NKX2-6: variants seen among roughly 807,000 people sequenced by gnomAD.
NKX2-6 encodes homeobox protein Nkx-2.6.
A neutral mutation model predicts 8.6 loss-of-function variants in NKX2-6; 8 were observed. The observed-to-expected ratio is 0.93, with a 90% confidence interval of 0.54 to 1.67. The LOEUF (loss-of-function observed/expected upper bound fraction) is 1.67. NKX2-6 is among the 40% of genes most tolerant of loss of function. The pLI is 0.00. For missense variants in NKX2-6, 475 were observed against 423.1 expected (o/e 1.12, Z -1.08); for synonymous variants, 210 against 199.3 (o/e 1.05, Z -0.45).
Position 23,702,738 on chromosome 8 carries a change from G to A in NKX2-6, c.619C>T (p.Arg207Ter). Reference protein sequence around the residue: ...ELAGHPLTPRRVAVPVLVRDG... With the variant: ...ELAGHPLTPR ...CGCACCAGGACGGGCACAGCTACTC[G>A]GCGCGGCGTTAGAGGGTGGCCAGCC... The change falls in exon 2 of 2, where the codon CGA (arginine) becomes TGA (stop). Residue 207 changes from arginine (R) to a stop codon, truncating the protein, a stop_gained. Transcript: ENST00000325017. LOFTEE classifies it low-confidence loss of function (END_TRUNC). 3 of 1,551,868 alleles carry A rather than the reference G, an allele frequency of 1.9e-6. No homozygotes were observed. Among genetic ancestry groups the A allele is most frequent in the South Asian group, 2.4e-5 (2 of 84,084 alleles).
chr8:23,703,061 G>A lies in NKX2-6; in HGVS notation c.296C>T (p.Ser99Leu), dbSNP rs1289392344. Reference sequence around the variant, plus strand: ...CACCCTGGTCCCGCCGCCGAGGGGCGAGGCCGCGTTCAGGCCGGGCTCTAA... The same window carrying A: ...CACCCTGGTCCCGCCGCCGAGGGGCAAGGCCGCGTTCAGGCCGGGCTCTAA... ...GEPQPGLNAA[S>L]PLGGGTRVPE... The change falls in exon 2 of 2, where the codon TCG becomes TTG. Residue 99 changes from serine (S) to leucine (L), a missense_variant. Transcript: ENST00000325017. 5 of 1,540,190 alleles carry A rather than the reference G, an allele frequency of 3.2e-6. No homozygotes were observed. Among genetic ancestry groups the A allele is most frequent in the Admixed American group, 3.9e-5 (2 of 50,920 alleles).
intron 1 of NKX2-6, among the ~76,000 whole-genome samples, 165 bp downstream of exon 1, chr8:23,706,160 A>G (rs377378213): frequency 1.2e-3 from 189 of 152,120 alleles, no homozygotes; most frequent in African/African-American, 4.1e-3. Flanking sequence ...GTGTCAGGAG[A>G]GGATGGGAAT....
chr8:23,706,187 T>G lies in NKX2-6; in HGVS notation c.274+138A>C, dbSNP rs1430053410. The G allele has an allele frequency of 3.2e-6, 3 of 934,598 alleles. No individual in the cohort carries two copies. The African/African-American group carries it at 5.0e-5, about 15-fold the overall frequency. The allele number at this position is 934,598 out of a possible 1,614,324, so 57.9% of individuals were successfully genotyped here. On this transcript the variant is annotated intron_variant, in intron 1 of 1. Transcript: ENST00000325017. ...GATGGGAATGGGATTCGAGAGGCCT[T>G]TTTTTGGACTCCTCGAGAGAAAATG...
intron 1 of NKX2-6, 139 bp from the exon 2 acceptor site, chr8:23,703,221 C>G (rs2117595403): frequency 2.9e-6 from 3 of 1,028,106 alleles, no homozygotes; most frequent in South Asian, 1.7e-5. Flanking sequence ...CCCCCGAACC[C>G]TGTCCCAGGA....
intron 1 of NKX2-6, 123 bp from the exon 2 acceptor site, chr8:23,703,205 C>T: frequency 8.6e-7 from 1 of 1,157,226 alleles, no homozygotes; most frequent in Non-Finnish European, 1.2e-6. Context: ...CTCCTCCCTC[C>T]TACTGCCCCC....
intron 1 of NKX2-6, among the ~76,000 whole-genome samples, chr8:23,703,886 A>T (rs1801049670): frequency 6.6e-6 from 1 of 152,056 alleles, no homozygotes; most frequent in African/African-American, 2.4e-5. Flanking sequence ...GGAGGAGAAG[A>T]AGAAGAAGGA....
chr8:23,706,665 T>C lies in NKX2-6; in HGVS notation c.-67A>G, dbSNP rs1051439435. The C allele has an allele frequency of 2.1e-6, 3 of 1,452,740 alleles. No individual in the cohort carries two copies. The African/African-American group carries it at 4.2e-5, about 20-fold the overall frequency. The allele number at this position is 1,452,740 out of a possible 1,614,324, so 90.0% of individuals were successfully genotyped here. A position where few individuals can be genotyped will look rare whatever the true frequency, so the allele number is the denominator to read the frequency against. On this transcript the variant is annotated 5_prime_UTR_variant, in exon 1 of 2. Transcript: ENST00000325017. ...GAGCGGCACCCTGAACTTCCCGTCTTGTCGCTGCAGGCCCCGCAGACAGAC... is the reference window on the plus strand; with the variant it reads ...GAGCGGCACCCTGAACTTCCCGTCTCGTCGCTGCAGGCCCCGCAGACAGAC...
chr8:23,705,092 G>T (rs1196460769), intron 1 of NKX2-6, among the ~76,000 whole-genome samples: 2 of 152,242 alleles, frequency 1.3e-5, no homozygotes, highest in Non-Finnish European at 2.9e-5. Context: ...AGTGGGAGAA[G>T]GAAGGCGCCG....
chr8:23,706,288 T>C (rs1563305022), intron 1 of NKX2-6, 37 bp downstream of exon 1: 9 of 1,475,246 alleles, frequency 6.1e-6, no homozygotes, highest in East Asian at 2.5e-5. Flanking sequence ...GCCCCCACAT[T>C]CCCCCCGTAG....
chr8:23,704,495 G>A (rs934446254), intron 1 of NKX2-6, among the ~76,000 whole-genome samples: 1 of 152,210 alleles, frequency 6.6e-6, no homozygotes, highest in Admixed American at 6.5e-5. Flanking sequence ...TCTCACGCCA[G>A]GAGAAAATCA....
chr8:23,703,827 A>T (rs1297658025), intron 1 of NKX2-6, among the ~76,000 whole-genome samples: 1 of 152,182 alleles, frequency 6.6e-6, no homozygotes, highest in Non-Finnish European at 1.5e-5. Context: ...CCTTGGAAGT[A>T]GAGAAAGAAG....
Position 23,702,396 on chromosome 8 carries a change from G to A in NKX2-6, c.*55C>T. On this transcript the variant is annotated 3_prime_UTR_variant, in exon 2 of 2. Coordinates refer to ENST00000325017, the MANE Select transcript of NKX2-6 (RefSeq NM_001136271.3). ...CCCCTCCTTGTCACGACCTGCGGGC[G>A]GAGGGGAAGGGAACGAGCATCTGGC... is the stretch of plus-strand genomic sequence containing the variant. 7 of 1,410,516 alleles carry A rather than the reference G, an allele frequency of 5.0e-6. No individual in the cohort carries two copies. The highest frequency in any genetic ancestry group is 3.1e-5 in the South Asian group (2 of 64,202). The allele number at this position is 1,410,516 out of a possible 1,614,324, so 87.4% of individuals were successfully genotyped here. A position where few individuals can be genotyped will look rare whatever the true frequency, so the allele number is the denominator to read the frequency against.
chr8:23,703,727 A>C (rs890597426), intron 1 of NKX2-6, among the ~76,000 whole-genome samples: 4 of 111,934 alleles, frequency 3.6e-5, no homozygotes, highest in African/African-American at 1.1e-4. Flanking sequence ...CAAACAAACA[A>C]AAAAAAAACT....
At position 23,706,415 on chromosome 8, in the gene NKX2-6, C is replaced by A; in HGVS notation, c.184G>T (p.Gly62Cys). ...GSEVHNAGGG[G>C]GDRKLDGSEP... Reference sequence around the variant, plus strand: ...GAACCATCCAGCTTTCTGTCACCGCCGCCGCCACCAGCGTTGTGAACCTCT... The same window carrying A: ...GAACCATCCAGCTTTCTGTCACCGCAGCCGCCACCAGCGTTGTGAACCTCT... The change falls in exon 1 of 2, where the codon GGC becomes TGC. Residue 62 changes from glycine to cysteine, a missense_variant. Physicochemically the swap from Gly to Cys is radical, Grantham distance 159 (BLOSUM62 -3). Transcript: ENST00000325017. 6.4e-7 allele frequency: 1 copy of A among 1,550,820 alleles called. No individual in the cohort carries two copies. Among genetic ancestry groups the A allele is most frequent in the Admixed American group, 2.0e-5 (1 of 51,010 alleles).
Position 23,702,855 on chromosome 8 carries a change from C to G in NKX2-6, c.502G>C (p.Ala168Pro). 6.4e-7 allele frequency: 1 copy of G among 1,567,924 alleles called. No homozygotes were observed. Among genetic ancestry groups the G allele is most frequent in the Non-Finnish European group, 8.6e-7 (1 of 1,156,072 alleles). ...ACCTGCGTGGACGTGAGCTGCAGCG[C>G]GCTGGCCAGGTGCTCGCGCTCGGGC... ...SAPEREHLAS[A>P]LQLTSTQVKI... is the part of the protein sequence containing the mutation. Residue 168 changes from alanine (A) to proline (P), a missense_variant, in exon 2 of 2, where the codon GCG becomes CCG. Transcript: ENST00000325017.
At chr8:23,705,449 G>A (rs559679337) in intron 1 of NKX2-6, among the ~76,000 whole-genome samples, 3 of 152,350 alleles carry the variant, frequency 2.0e-5, no homozygotes, top group African/African-American at 7.2e-5. Flanking sequence ...CGAGTGAGGT[G>A]CTGAGGTTTG....
Position 23,703,059 on chromosome 8 carries a change from G to T in NKX2-6, c.298C>A (p.Pro100Thr), listed in dbSNP as rs61740725. Residue 100 changes from proline to threonine, a missense_variant, in exon 2 of 2, where the codon CCC becomes ACC. Coordinates refer to ENST00000325017, the MANE Select transcript of NKX2-6 (RefSeq NM_001136271.3). Reference sequence around the variant, plus strand: ...GGCACCCTGGTCCCGCCGCCGAGGGGCGAGGCCGCGTTCAGGCCGGGCTCT... The same window carrying T: ...GGCACCCTGGTCCCGCCGCCGAGGGTCGAGGCCGCGTTCAGGCCGGGCTCT... ...EPQPGLNAAS[P>T]LGGGTRVPER... The T allele has an allele frequency of 8.1e-5, 124 of 1,540,224 alleles. No individual in the cohort carries two copies. In the African/African-American group the frequency reaches 1.4e-3, roughly 18 times the overall value.
In NKX2-6 at chr8:23,702,625, G is replaced by A; in HGVS notation, c.732C>T (p.Tyr244=). ...YSAAVSPYSC[Y]GGYSGAPYGA... is the part of the protein sequence containing the mutation. ...CGTAGGGTGCTCCGCTGTAGCCTCCGTAGCAAGAGTAGGGCGACACTGCTG... is the reference window on the plus strand; with the variant it reads ...CGTAGGGTGCTCCGCTGTAGCCTCCATAGCAAGAGTAGGGCGACACTGCTG... The change falls in exon 2 of 2, where the codon TAC becomes TAT. Residue 244 remains tyrosine, a synonymous_variant. Coordinates refer to ENST00000325017, the MANE Select transcript of NKX2-6 (RefSeq NM_001136271.3). The A allele has an allele frequency of 1.3e-6, 2 of 1,548,834 alleles. No homozygotes were observed. Among genetic ancestry groups the A allele is most frequent in the Non-Finnish European group, 8.7e-7 (1 of 1,146,046 alleles).
chr8:23,706,482 T>G lies in NKX2-6; in HGVS notation c.117A>C (p.Glu39Asp). 1 of 1,540,696 alleles carries G rather than the reference T, an allele frequency of 6.5e-7. No individual in the cohort carries two copies. The highest frequency in any genetic ancestry group is 8.7e-7 in the Non-Finnish European group (1 of 1,146,924). The change falls in exon 1 of 2, where the codon GAA (glutamate) becomes GAC (aspartate). Residue 39 changes from glutamate to aspartate, a missense_variant. Transcript: ENST00000325017. Reference sequence around the variant, plus strand: ...CGTCCATTCTCAGGTACTGAAAGTTTTCCGGGCTCTTCCGCACCCGCGGAT... The same window carrying G: ...CGTCCATTCTCAGGTACTGAAAGTTGTCCGGGCTCTTCCGCACCCGCGGAT... ...SPHPRVRKSP[E>D]NFQYLRMDAE...
Sources: gnomAD v4.1 joint callset for allele counts (sites outside exome capture counted in the v4.1 genomes callset) on GRCh38, gnomAD v4.1.1 for gene constraint, MANE v1.5 for transcripts, NCBI Gene and HGNC (gene_info 2026-07-23, HGNC 2026-07-21) for gene names.